Variants in KANSL1L observed in about 807,000 individuals in gnomAD.
The protein encoded by KANSL1L is KAT8 regulatory NSL complex subunit 1 like.
A neutral mutation model predicts 108.6 loss-of-function variants in KANSL1L; 25 were observed. The ratio of observed to expected loss-of-function variants is 0.23; its 90% CI spans 0.17 to 0.32. The LOEUF is 0.32. KANSL1L is among the 10% of genes least tolerant of loss of function. The pLI is 1.00. For missense variants in KANSL1L, 1,137 were observed against 1,125.7 expected, an observed-to-expected ratio of 1.01 and a Z score of -0.14; for synonymous variants, 405 against 395.1, an observed-to-expected ratio of 1.03 and a Z score of -0.30.
intron 3 of KANSL1L, among the ~76,000 whole-genome samples, chr2:210,126,775 G>A (rs927776561): frequency 6.6e-6 from 1 of 152,166 alleles, no homozygotes; most frequent in Non-Finnish European, 1.5e-5. Flanking sequence ...CTGATATCGT[G>A]CCATTGCACT....
intron 5 of KANSL1L, among the ~76,000 whole-genome samples, 154 bp from the exon 6 acceptor site, chr2:210,075,910 A>C (rs1003326024): frequency 6.6e-6 from 1 of 152,258 alleles, no homozygotes; most frequent in African/African-American, 2.4e-5. Flanking sequence ...TTGGTAAAAT[A>C]TTTTGTATTA....
At chr2:210,079,648 A>ATATATATATATATGTGTG (rs2094570763) in intron 5 of KANSL1L, among the ~76,000 whole-genome samples, 12 of 15,196 alleles carry the variant, frequency 7.9e-4, no homozygotes, top group South Asian at 6.3e-3. Flanking sequence ...ATATATATAT[A>ATATATATATATATGTGTG]TATATATATA....
intron 3 of KANSL1L, among the ~76,000 whole-genome samples, chr2:210,120,722 G>A (rs2095008995): frequency 6.6e-6 from 1 of 152,058 alleles, no homozygotes; most frequent in African/African-American, 2.4e-5. Flanking sequence ...CTAAAGAATG[G>A]GAGAAAATTT....
intron 3 of KANSL1L, among the ~76,000 whole-genome samples, chr2:210,109,760 C>A (rs1351630000): frequency 6.6e-6 from 1 of 151,678 alleles, no homozygotes; most frequent in Admixed American, 6.6e-5. Context: ...CCTGAATCAG[C>A]CTGCTTCTTT....
At chr2:210,083,613 G>A (rs984858131) in intron 5 of KANSL1L, among the ~76,000 whole-genome samples, 5 of 152,092 alleles carry the variant, frequency 3.3e-5, no homozygotes, top group African/African-American at 1.2e-4. Flanking sequence ...TGGATCACGA[G>A]GTTAGGAGAT....
intron 5 of KANSL1L, chr2:210,097,853 A>C: frequency 4.0e-6 from 1 of 252,974 alleles, no homozygotes; most frequent in Non-Finnish European, 7.5e-6. Flanking sequence ...TTTTTTAAGA[A>C]ACATTATGAA....
chr2:210,033,695 ATTTT>A (rs10679778), intron 8 of KANSL1L, among the ~76,000 whole-genome samples: 5 of 132,982 alleles, frequency 3.8e-5, no homozygotes, highest in East Asian at 2.2e-4. Flanking sequence ...ACGCCCGGCT[ATTTT>A]TTTTTTTTTT....
At chr2:210,092,595 C>A (rs146675931) in intron 5 of KANSL1L, among the ~76,000 whole-genome samples, 1 of 152,304 alleles carries the variant, frequency 6.6e-6, no homozygotes, top group East Asian at 1.9e-4. Context: ...ATTTTAAAGT[C>A]ATCAGTGTTT....
intron 6 of KANSL1L, among the ~76,000 whole-genome samples, chr2:210,046,680 C>T (rs956530500): frequency 6.6e-6 from 1 of 152,154 alleles, no homozygotes; most frequent in African/African-American, 2.4e-5. Context: ...CAGTCCCAAG[C>T]TTGTGGCTCT....
intron 1 of KANSL1L, among the ~76,000 whole-genome samples, chr2:210,156,934 C>T (rs2095336822): frequency 6.7e-6 from 1 of 149,880 alleles, no homozygotes; most frequent in Non-Finnish European, 1.5e-5. Flanking sequence ...AATTTATACA[C>T]TTTTATATAA....
At chr2:210,064,023 G>A (rs1424408206) in intron 6 of KANSL1L, 1 of 152,080 alleles carries the variant, frequency 6.6e-6, no homozygotes, top group Non-Finnish European at 1.5e-5. Flanking sequence ...GGAGGTAATT[G>A]ACTCACGGGG....
chr2:210,145,723 G>C (rs1433085277), intron 2 of KANSL1L, among the ~76,000 whole-genome samples: 9 of 152,216 alleles, frequency 5.9e-5, no homozygotes, highest in African/African-American at 2.2e-4. Flanking sequence ...AGGCACAGAT[G>C]TTGAAAGAGT....
At chr2:210,065,114 T>G (rs1034086914) in intron 6 of KANSL1L, among the ~76,000 whole-genome samples, 7 of 150,836 alleles carry the variant, frequency 4.6e-5, no homozygotes, top group Non-Finnish European at 8.9e-5. Flanking sequence ...GCCAACGTGG[T>G]GAAACCCCAT....
At chr2:210,042,985 T>C (rs2094182604) in intron 7 of KANSL1L, among the ~76,000 whole-genome samples, 1 of 152,174 alleles carries the variant, frequency 6.6e-6, no homozygotes, top group African/African-American at 2.4e-5. Context: ...TAAGTTGAGA[T>C]ATCCCCCAGT....
intron 2 of KANSL1L, among the ~76,000 whole-genome samples, chr2:210,139,475 A>G (rs1432075810): frequency 6.6e-6 from 1 of 152,164 alleles, no homozygotes; most frequent in African/African-American, 2.4e-5. Flanking sequence ...TTTCCAGAGA[A>G]ACCTCCTTAC....
At chr2:210,026,149 A>G (rs929686354) in intron 12 of KANSL1L, among the ~76,000 whole-genome samples, 17 of 152,202 alleles carry the variant, frequency 1.1e-4, no homozygotes, top group Admixed American at 9.8e-4. Context: ...AGGATCATTC[A>G]GAAGTAAGGA....
chr2:210,086,467 C>T (rs533459780), intron 5 of KANSL1L, among the ~76,000 whole-genome samples: 1 of 148,852 alleles, frequency 6.7e-6, no homozygotes, highest in Non-Finnish European at 1.5e-5. Flanking sequence ...TCATCTGAGA[C>T]CATACTGCCA....
intron 6 of KANSL1L, among the ~76,000 whole-genome samples, chr2:210,064,747 T>G (rs2094450752): frequency 6.9e-6 from 1 of 144,522 alleles, no homozygotes; most frequent in Non-Finnish European, 1.5e-5. Context: ...AGGTCGAGGC[T>G]GCAGTGAGCT....
intron 1 of KANSL1L, among the ~76,000 whole-genome samples, chr2:210,167,828 G>C (rs1323397742): frequency 6.6e-6 from 1 of 151,894 alleles, no homozygotes; most frequent in Non-Finnish European, 1.5e-5. Flanking sequence ...ATTATGAATA[G>C]TCTTTGGATT....
Sources: gnomAD v4.1 joint callset for allele counts (sites outside exome capture counted in the v4.1 genomes callset) on GRCh38, gnomAD v4.1.1 for gene constraint, MANE v1.5 for transcripts, NCBI Gene and HGNC (gene_info 2026-07-23, HGNC 2026-07-21) for gene names.